The following DEAF1 variants were observed in gnomAD, a reference collection of about 807,000 sequenced individuals.
DEAF1 encodes the protein deformed epidermal autoregulatory factor 1 homolog.
A neutral mutation model predicts 58.9 loss-of-function variants in DEAF1; 53 were observed. That is an observed-to-expected ratio of 0.90 (90% CI 0.72 to 1.13). The LOEUF is 1.13. Ranked by LOEUF, DEAF1 falls within the 50% of genes most tolerant of loss-of-function variation. The probability of loss-of-function intolerance (pLI) is 0.00; values close to 1 mark genes in which losing one functional copy is unlikely to be tolerated. For missense variants in DEAF1, 685 were observed against 791.4 expected (o/e 0.87, Z 1.61); for synonymous variants, 385 against 340.4 (o/e 1.13, Z -1.44).
At chr11:681,261 T>G (rs1481351855) in intron 6 of DEAF1, among the ~76,000 whole-genome samples, 172 bp from the exon 7 acceptor site, 1 of 151,996 alleles carries the variant, frequency 6.6e-6, no homozygotes, top group East Asian at 1.9e-4. Flanking sequence ...TGAGACGGAG[T>G]TTCACTCTAG....
intron 1 of DEAF1, chr11:703,207 C>T: frequency 1.3e-6 from 2 of 1,524,384 alleles, no homozygotes; most frequent in Non-Finnish European, 1.8e-6. Flanking sequence ...TGACCAGTCC[C>T]CCAGCTGTCA....
At chr11:683,833 C>T (rs534241650) in intron 6 of DEAF1, among the ~76,000 whole-genome samples, 31 of 152,224 alleles carry the variant, frequency 2.0e-4, no homozygotes, top group African/African-American at 7.0e-4. Flanking sequence ...ACGTACAAAC[C>T]CTGTACATGA....
At chr11:648,196 C>CT (rs540249896) in intron 11 of DEAF1, among the ~76,000 whole-genome samples, 10,098 of 123,322 alleles carry the variant, frequency 0.082, 663 homozygotes, top group Non-Finnish European at 0.1. Flanking sequence ...TTATCACTGC[C>CT]TTTTTTTTTT....
upstream of DEAF1, among the ~76,000 whole-genome samples, chr11:697,254 T>C (rs1011432106): frequency 6.6e-6 from 1 of 151,842 alleles, no homozygotes; most frequent in South Asian, 2.1e-4. Context: ...ACCCTGTCTC[T>C]AAAAAAACTA....
rs1319746233 is a variant in DEAF1 at position 694,787 on chromosome 11, G to C, written c.261C>G (p.Asp87Glu). 5.2e-6 allele frequency: 7 copies of C among 1,356,132 alleles called. 1 individual carries two copies. In the Admixed American group the frequency reaches 2.5e-4, roughly 49 times the overall value. The allele number at this position is 1,356,132 out of a possible 1,614,324, so 84.0% of individuals were successfully genotyped here. A position where few individuals can be genotyped will look rare whatever the true frequency, so the allele number is the denominator to read the frequency against. ...DMGAEALPGP[D>E]EAAAAAAFAE... ...CGAAGGCTGCGGCAGCGGCGGCCTC[G>C]TCGGGGCCGGGCAGGGCCTCGGCGC... The change falls in exon 1 of 12, where the codon GAC becomes GAG. Residue 87 changes from aspartate (D) to glutamate (E), a missense_variant. By Grantham distance (45) the Asp-to-Glu change is conservative. Transcript: ENST00000382409.
intron 1 of DEAF1, chr11:703,670 C>CCCAGCT: frequency 1.6e-6 from 2 of 1,232,434 alleles, no homozygotes; most frequent in East Asian, 3.2e-5. Context: ...TCTGAGCAAC[C>CCCAGCT]CCAGCTCTGC....
intron 10 of DEAF1, chr11:674,281 T>C (rs779734710): frequency 2.5e-5 from 13 of 515,350 alleles, no homozygotes; most frequent in African/African-American, 5.8e-5. Flanking sequence ...CAACGGCCGA[T>C]GCGCACAAAA....
At chr11:705,793 T>C (rs1224074098) in intron 1 of DEAF1, among the ~76,000 whole-genome samples, 1 of 152,094 alleles carries the variant, frequency 6.6e-6, no homozygotes, top group Admixed American at 6.5e-5. Flanking sequence ...TCCCCAGCAA[T>C]GCGCCAGCGC....
chr11:693,161 C>T (rs1239806559), intron 1 of DEAF1, among the ~76,000 whole-genome samples: 2 of 152,214 alleles, frequency 1.3e-5, no homozygotes, highest in African/African-American at 2.4e-5. Flanking sequence ...GAAGAAAACA[C>T]ACGTCAGCAC....
chr11:654,963 G>C (rs945566529), intron 10 of DEAF1, among the ~76,000 whole-genome samples: 1 of 151,304 alleles, frequency 6.6e-6, no homozygotes, highest in African/African-American at 2.5e-5. Flanking sequence ...GAAGTTAGGA[G>C]ATCGAGACCA....
chr11:703,102 C>T (rs141335559), intron 1 of DEAF1: 58 of 1,611,134 alleles, frequency 3.6e-5, no homozygotes, highest in Non-Finnish European at 4.6e-5. Context: ...CCCTTCACGG[C>T]CTGGAGGCCG....
rs1207246232 is a variant in DEAF1 at position 679,552 on chromosome 11, C to T, written c.1126+136G>A. 6 of 1,382,954 alleles carry T rather than the reference C, an allele frequency of 4.3e-6. No homozygotes were observed. The African/African-American group carries it at 8.5e-5, about 20-fold the overall frequency. 85.7% of individuals were successfully genotyped at this position (1,382,954 alleles called of 1,614,324 possible). A position where few individuals can be genotyped will look rare whatever the true frequency, so the allele number is the denominator to read the frequency against. ...CACCTGACGTGGCTCACACGCTGTC[C>T]CCACCAACAAACGCCTGGTTCAAGG... On this transcript the variant is annotated intron_variant, in intron 8 of 11. Coordinates refer to ENST00000382409, the MANE Select transcript of DEAF1 (RefSeq NM_021008.4).
intron 1 of DEAF1, chr11:706,195 C>G (rs1861704610): frequency 6.6e-6 from 1 of 152,090 alleles, no homozygotes; most frequent in Admixed American, 6.6e-5. Context: ...TCCCACCCGC[C>G]CGCGGGAGAC....
At chr11:648,267 T>C (rs1407402801) in intron 11 of DEAF1, among the ~76,000 whole-genome samples, 1 of 148,564 alleles carries the variant, frequency 6.7e-6, no homozygotes, top group Non-Finnish European at 1.5e-5. Flanking sequence ...CGATCTCGGC[T>C]CACTGCAAGC....
Position 688,905 on chromosome 11 carries a change from G to A in DEAF1, c.388-445C>T, listed in dbSNP as rs372237868. ...GGCCTCAAAACCACATTTCCACACT[G>A]GCTGAAGCTGCTGCAACTGCTGCCT... is the stretch of plus-strand genomic sequence containing the variant. On this transcript the variant is annotated intron_variant, in intron 2 of 11. Coordinates refer to ENST00000382409, the MANE Select transcript of DEAF1 (RefSeq NM_021008.4). The surrounding 1 kb of genome is among the most constrained non-coding windows in gnomAD (Gnocchi z 4.3). Among the ~76,000 whole-genome samples the A allele has an allele frequency of 7.2e-5, 11 of 152,256 alleles. No individual in the cohort carries two copies. Among genetic ancestry groups the A allele is most frequent in the East Asian group, 5.8e-4 (3 of 5,178 alleles).
intron 1 of DEAF1, chr11:706,151 T>TCCCGGCCCCGCCCCGG (rs975826242): frequency 7.9e-5 from 12 of 151,454 alleles, no homozygotes; most frequent in South Asian, 2.0e-4. Context: ...GTTCCTCCTC[T>TCCCGGCCCCGCCCCGG]CCCGGCCCCG....
Position 654,015 on chromosome 11 carries a change from C to T in DEAF1, c.1540G>A (p.Glu514Lys), listed in dbSNP as rs568091526. Residue 514 changes from glutamate to lysine, a missense_variant, in exon 11 of 12, where the codon GAG becomes AAG. Physicochemically the swap from Glu to Lys is moderately conservative, Grantham distance 56. Around this residue, in one of 3 missense-constraint regions of DEAF1, gnomAD observed 343 missense variants for 379.8 expected, o/e 0.90. Coordinates refer to ENST00000382409, the MANE Select transcript of DEAF1 (RefSeq NM_021008.4). ...CVNCGREAMSECTGCHKVNYC... is the reference protein window; with the variant it reads ...CVNCGREAMSKCTGCHKVNYC... ...TTGACCTTGTGGCAGCCGGTGCACT[C>T]GCTCATAGCCTCCCGGCCGCAGTTA... 3 of 1,613,858 alleles carry T rather than the reference C, an allele frequency of 1.9e-6. No individual in the cohort carries two copies. Among genetic ancestry groups the T allele is most frequent in the South Asian group, 1.1e-5 (1 of 91,076 alleles).
At chr11:660,580 A>G (rs1452346707) in intron 10 of DEAF1, among the ~76,000 whole-genome samples, 2 of 152,228 alleles carry the variant, frequency 1.3e-5, no homozygotes, top group Non-Finnish European at 2.9e-5. Context: ...GGTGCTCTGA[A>G]GAGTTCCCTG....
intron 9 of DEAF1, chr11:678,392 A>T: frequency 2.6e-6 from 1 of 384,600 alleles, no homozygotes; most frequent in South Asian, 2.1e-5. Flanking sequence ...CCTCAAGAGG[A>T]CAACAGCAAA....
Sources: gnomAD v4.1 joint callset for allele counts (sites outside exome capture counted in the v4.1 genomes callset) on GRCh38, gnomAD v4.1.1 for gene constraint, gnomAD v4.1.1 regional missense constraint, Gnocchi (gnomAD v3.1) non-coding constraint, MANE v1.5 for transcripts, NCBI Gene and HGNC (gene_info 2026-07-23, HGNC 2026-07-21) for gene names.